VPS13C: variants seen among roughly 807,000 people sequenced by gnomAD.
The protein encoded by VPS13C is vacuolar protein sorting 13 homolog C, also known as intermembrane lipid transfer protein VPS13C.
Under a neutral mutation model 456.8 loss-of-function variants are expected in VPS13C, and 358 were observed. The observed-to-expected ratio is 0.78, with a 90% confidence interval of 0.72 to 0.86. The LOEUF (loss-of-function observed/expected upper bound fraction) is 0.86, where lower values mean the gene tolerates loss of function less well. Ranked by LOEUF, VPS13C falls within the 40% of genes least tolerant of loss-of-function variation. The pLI, the probability that VPS13C is intolerant of heterozygous loss-of-function variation, is 0.00. For missense variants in VPS13C, 4,818 were observed against 4,385.4 expected (o/e 1.10, Z -2.79); for synonymous variants, 1,578 against 1,486.7 (o/e 1.06, Z -1.41).
At chr15:61,989,188 T>G (rs190083736) in intron 18 of VPS13C, among the ~76,000 whole-genome samples, 1 of 150,310 alleles carries the variant, frequency 6.7e-6, no homozygotes, top group Non-Finnish European at 1.5e-5. Context: ...CTCAGGAGTT[T>G]GAGACCAGCC....
At chr15:62,011,314 A>G (rs562109071) in intron 12 of VPS13C, among the ~76,000 whole-genome samples, 2 of 152,120 alleles carry the variant, frequency 1.3e-5, no homozygotes, top group Non-Finnish European at 2.9e-5. Context: ...AAAATGCCTA[A>G]GAATGAAATT....
intron 2 of VPS13C, among the ~76,000 whole-genome samples, chr15:62,041,606 T>G (rs1394581939): frequency 6.6e-6 from 1 of 152,086 alleles, no homozygotes; most frequent in Non-Finnish European, 1.5e-5. Context: ...TCGCCTGAGT[T>G]CAGGAGTTCG....
chr15:61,864,525 G>A, intron 81 of VPS13C: 1 of 879,320 alleles, frequency 1.1e-6, no homozygotes, highest in Non-Finnish European at 1.4e-6. Context: ...TTACGACCAA[G>A]AATATAATGC....
At chr15:61,940,083 C>G (rs12905103) in intron 47 of VPS13C, among the ~76,000 whole-genome samples, 8,512 of 151,930 alleles carry the variant, frequency 0.056, 306 homozygotes, top group Non-Finnish European at 0.08. Flanking sequence ...AAGGCCTCTA[C>G]AAACTACACT....
At chr15:61,937,561 G>A (rs959076932) in intron 47 of VPS13C, among the ~76,000 whole-genome samples, 2 of 152,088 alleles carry the variant, frequency 1.3e-5, no homozygotes, top group Non-Finnish European at 1.5e-5. Context: ...TGCAAGCTCC[G>A]CCTCCCAGGT....
At chr15:61,872,209 AATATC>A (rs1436599144) in intron 78 of VPS13C, among the ~76,000 whole-genome samples, 175 bp from the exon 79 acceptor site, 1 of 152,210 alleles carries the variant, frequency 6.6e-6, no homozygotes, top group Non-Finnish European at 1.5e-5. Context: ...TGATTTTTCA[AATATC>A]ATATCACAGC....
At chr15:61,857,265 T>G (rs1446506924) in intron 82 of VPS13C, among the ~76,000 whole-genome samples, 1 of 152,012 alleles carries the variant, frequency 6.6e-6, no homozygotes, top group Non-Finnish European at 1.5e-5. Context: ...ATTAGACAAG[T>G]GCTGTAACAG....
At position 61,962,450 on chromosome 15, in the gene VPS13C, G is replaced by C. The variant is rs369780892; in HGVS notation, c.3524C>G (p.Ser1175Cys). The change falls in exon 34 of 85, where the codon TCC (serine) becomes TGC (cysteine). Residue 1175 changes from serine to cysteine, a missense_variant. Around this residue, in one of 3 missense-constraint regions of VPS13C, gnomAD observed 4,552 missense variants for 4,130.6 expected, o/e 1.10. Transcript: ENST00000644861. ...CAGAGACAGCACACCATCCACTTTG[G>C]ACATGTCAGTATACAAATCCCCCTC... is the stretch of plus-strand genomic sequence containing the variant. ...ATEGDLYTDMSKVDGVLSLNV... is the reference protein window; with the variant it reads ...ATEGDLYTDMCKVDGVLSLNV... 3 of 1,611,700 alleles carry C rather than the reference G, an allele frequency of 1.9e-6. No individual in the cohort carries two copies. The highest frequency in any genetic ancestry group is 2.7e-5 in the African/African-American group (2 of 74,814).
At chr15:61,928,658 T>C (rs1447812887) in intron 51 of VPS13C, among the ~76,000 whole-genome samples, 1 of 152,046 alleles carries the variant, frequency 6.6e-6, no homozygotes, top group South Asian at 2.1e-4. Context: ...GGCGGGCGGA[T>C]TGCTTGAGCC....
chr15:62,017,187 C>T (rs1051995898), intron 9 of VPS13C, among the ~76,000 whole-genome samples: 1 of 151,770 alleles, frequency 6.6e-6, no homozygotes, highest in African/African-American at 2.4e-5. Context: ...GGATATTAGC[C>T]CTTTGTCAGA....
At chr15:62,020,341 A>C in intron 9 of VPS13C, 138 bp downstream of exon 9, 1 of 609,386 alleles carries the variant, frequency 1.6e-6, no homozygotes, top group Non-Finnish European at 2.5e-6. Context: ...TTAAACTTCT[A>C]GAAAAGTTGT....
chr15:61,874,328 G>A (rs930053730), intron 77 of VPS13C, among the ~76,000 whole-genome samples: 3 of 151,810 alleles, frequency 2.0e-5, no homozygotes, highest in Admixed American at 2.0e-4. Flanking sequence ...TAGAAGAGAG[G>A]GTCTTGAATG....
chr15:62,050,224 G>T (rs181995352), intron 1 of VPS13C, among the ~76,000 whole-genome samples: 1 of 152,248 alleles, frequency 6.6e-6, no homozygotes, highest in East Asian at 1.9e-4. Context: ...TGCCAGCAAG[G>T]AAAGCTCTAA....
chr15:61,937,553 C>T (rs926310665), intron 47 of VPS13C, among the ~76,000 whole-genome samples: 1 of 152,236 alleles, frequency 6.6e-6, no homozygotes, highest in Non-Finnish European at 1.5e-5. Context: ...TGGCTCACTG[C>T]AAGCTCCGCC....
chr15:61,881,853 T>C (rs757918068), intron 69 of VPS13C, 25 bp from the exon 70 acceptor site: 10 of 1,558,496 alleles, frequency 6.4e-6, no homozygotes, highest in Non-Finnish European at 7.8e-6. Flanking sequence ...AACGAACTTA[T>C]CAAGATTTCA....
Position 61,922,468 on chromosome 15 carries a change from C to A in VPS13C, c.6904G>T (p.Glu2302Ter). Reference protein sequence around the residue: ...GHRTVPLLLAESKFSGNIKNW... With the variant: ...GHRTVPLLLA Reference sequence around the variant, plus strand: ...TTAATATTTCCTGAAAACTTAGACTCTGCCAATAATAAAGGTACAGTTCGA... The same window carrying A: ...TTAATATTTCCTGAAAACTTAGACTATGCCAATAATAAAGGTACAGTTCGA... The change falls in exon 54 of 85, where the codon GAG (glutamate) becomes TAG (stop). Residue 2302 changes from glutamate (E) to a stop codon, truncating the protein, a stop_gained. Transcript: ENST00000644861. LOFTEE classifies it high-confidence loss of function. The A allele has an allele frequency of 1.9e-6, 3 of 1,614,016 alleles. No individual in the cohort carries two copies. The highest frequency in any genetic ancestry group is 2.5e-6 in the Non-Finnish European group (3 of 1,179,946).
At chr15:61,973,805 CATTT>C (rs1353418277) in intron 25 of VPS13C, among the ~76,000 whole-genome samples, 3 of 152,134 alleles carry the variant, frequency 2.0e-5, no homozygotes, top group Non-Finnish European at 4.4e-5. Context: ...TACTGTATAT[CATTT>C]ACATTCTGTC....
intron 1 of VPS13C, among the ~76,000 whole-genome samples, chr15:62,052,671 T>TTA (rs1243479839): frequency 6.9e-4 from 39 of 56,516 alleles, no homozygotes; most frequent in African/African-American, 3.3e-3. Flanking sequence ...AGACTCCGTC[T>TTA]CAAAAAAAAA....
At chr15:61,984,537 A>C (rs1285794698) in intron 19 of VPS13C, among the ~76,000 whole-genome samples, 11 of 152,190 alleles carry the variant, frequency 7.2e-5, no homozygotes. Context: ...TTTTTTGTAT[A>C]TCTTTTATCA....
Sources: allele counts gnomAD v4.1 joint callset (sites outside exome capture counted in the v4.1 genomes callset), GRCh38; gene constraint gnomAD v4.1.1; regional missense constraint gnomAD v4.1.1; transcripts MANE v1.5; gene names NCBI Gene and HGNC (gene_info 2026-07-23, HGNC 2026-07-21).